The following GAK variants were observed in gnomAD, a reference collection of about 807,000 sequenced individuals.
The protein encoded by GAK is cyclin-G-associated kinase.
In GAK, 79 loss-of-function variants were observed where a neutral mutation model predicts 143.9. The observed-to-expected ratio is 0.55, with a 90% CI of 0.46 to 0.66. The LOEUF is 0.66. GAK is among the 30% of genes least tolerant of loss of function. The pLI is 0.00. For synonymous variants in GAK, 881 were observed against 765.5 expected, an observed-to-expected ratio of 1.15 and a Z score of -2.49; for missense variants, 1,693 against 1,779.7, an observed-to-expected ratio of 0.95 and a Z score of 0.88.
chr4:896,028 G>A (rs1442181234), intron 7 of GAK, among the ~76,000 whole-genome samples: 5 of 152,234 alleles, frequency 3.3e-5, no homozygotes, highest in African/African-American at 4.8e-5. Context: ...TTGGGAGGCT[G>A]AGGCAGGTGG....
intron 23 of GAK, among the ~76,000 whole-genome samples, chr4:862,018 G>A (rs1267138053): frequency 6.6e-6 from 1 of 152,248 alleles, no homozygotes; most frequent in Non-Finnish European, 1.5e-5. Context: ...GCGCTGACGG[G>A]GAAGCTGCAG....
At chr4:918,184 T>TA (rs1163407067) in intron 1 of GAK, among the ~76,000 whole-genome samples, 2 of 152,286 alleles carry the variant, frequency 1.3e-5, no homozygotes, top group Admixed American at 6.5e-5. Flanking sequence ...GGTGTAACAT[T>TA]AAAAAATCAA....
chr4:849,793 G>GT lies in GAK; in HGVS notation c.3835-20dup. 1 of 1,599,574 alleles carries GT rather than the reference G, an allele frequency of 6.3e-7. No individual in the cohort carries two copies. The highest frequency in any genetic ancestry group is 8.6e-7 in the Non-Finnish European group (1 of 1,169,142). On this transcript the variant is annotated intron_variant, in intron 27 of 27. Transcript: ENST00000314167. ...CCGCAGCCTATGGGTGACAGGCGGT[G>GT]TAAGCGCCTCTTATAAGCATGCGGG...
rs199633903 is a variant in GAK, at chr4:870,809, C to T, written c.2150G>A (p.Arg717Gln). The T allele has an allele frequency of 1.3e-4, 217 of 1,613,958 alleles. 1 individual carries two copies. Among genetic ancestry groups the T allele is most frequent in the South Asian group, 2.5e-4 (23 of 91,072 alleles). Residue 717 changes from arginine (R) to glutamine (Q), a missense_variant, in exon 19 of 28, where the codon CGG (arginine) becomes CAG (glutamine). Coordinates refer to ENST00000314167, the MANE Select transcript of GAK (RefSeq NM_005255.4). ...CGAGTTCTCCCATGGTGGGGCTTCC[C>T]GGCTCGGCCTGTCCCTGGGCTCCAC... ...VEVEPRDRPS[R>Q]EAPPWENSSM...
chr4:893,159 T>C (rs1259732054), intron 9 of GAK, among the ~76,000 whole-genome samples: 1 of 149,130 alleles, frequency 6.7e-6, no homozygotes. Flanking sequence ...AGACTTGGGG[T>C]TCACATGTGC....
At chr4:864,542 GA>G (rs2152735564) in intron 23 of GAK, among the ~76,000 whole-genome samples, 1 of 152,364 alleles carries the variant, frequency 6.6e-6, no homozygotes, top group African/African-American at 2.4e-5. Context: ...CGCGCTACCA[GA>G]CGCCGCGGGA....
chr4:857,722 C>G (rs192944281), intron 24 of GAK, among the ~76,000 whole-genome samples: 1 of 152,190 alleles, frequency 6.6e-6, no homozygotes, highest in Non-Finnish European at 1.5e-5. Flanking sequence ...GGCTTCAGAA[C>G]TGGCCTCTGT....
intron 18 of GAK, chr4:872,767 G>A (rs973324820): frequency 2.2e-4 from 33 of 152,638 alleles, no homozygotes; most frequent in African/African-American, 7.7e-4. Flanking sequence ...AGGGCACAAT[G>A]AGGTCTGTGA....
chr4:856,182 A>T (rs1369581440), intron 24 of GAK, among the ~76,000 whole-genome samples: 1 of 132,144 alleles, frequency 7.6e-6, no homozygotes, highest in Admixed American at 7.5e-5. Flanking sequence ...AGCTGCTCAC[A>T]CCTGCTCACC....
intron 23 of GAK, among the ~76,000 whole-genome samples, chr4:861,672 G>GCA (rs1370542821): frequency 6.6e-5 from 10 of 152,234 alleles, no homozygotes; most frequent in Admixed American, 2.6e-4. Context: ...AAAAGTTCCT[G>GCA]AAGGAAATGA....
At position 932,070 on chromosome 4, in the gene GAK, G is replaced by A; in HGVS notation, c.118C>T (p.Leu40=). The change falls in exon 1 of 28, where the codon CTG becomes TTG. Residue 40 remains leucine, a synonymous_variant. Transcript: ENST00000314167. This position sits in a 1 kb window ranked among gnomAD's most constrained non-coding sequence, Gnocchi z 4.0. ...GQTVELGELR[L]RVRRVLAEGG... Reference sequence around the variant, plus strand: ...TCGGCCAGGACCCGCCGCACCCGCAGCCGCAGCTCGCCCAGTTCCACCGTC... The same window carrying A: ...TCGGCCAGGACCCGCCGCACCCGCAACCGCAGCTCGCCCAGTTCCACCGTC... 6.2e-7 allele frequency: 1 copy of A among 1,601,978 alleles called. No homozygotes were observed. Among genetic ancestry groups the A allele is most frequent in the Non-Finnish European group, 8.5e-7 (1 of 1,175,520 alleles).
At chr4:884,424 A>AC (rs549642481) in intron 11 of GAK, 20 of 283,426 alleles carry the variant, frequency 7.1e-5, no homozygotes, top group African/African-American at 4.5e-4. Flanking sequence ...GGATGGCAAC[A>AC]CCGGTGGAAG....
At chr4:875,001 T>A (rs1344891028) in intron 18 of GAK, among the ~76,000 whole-genome samples, 1 of 152,234 alleles carries the variant, frequency 6.6e-6, no homozygotes, top group East Asian at 1.9e-4. Context: ...GTAATATTTT[T>A]CAGTTCTAGA....
chr4:907,687 A>G (rs1352321237), intron 4 of GAK, among the ~76,000 whole-genome samples: 1 of 152,204 alleles, frequency 6.6e-6, no homozygotes, highest in Non-Finnish European at 1.5e-5. Flanking sequence ...ACATCCCCGG[A>G]GCCCGACCTC....
intron 18 of GAK, among the ~76,000 whole-genome samples, chr4:876,039 G>T (rs1577118568): frequency 1.3e-5 from 2 of 151,544 alleles, no homozygotes; most frequent in Non-Finnish European, 2.9e-5. Flanking sequence ...AGAGGGCAGG[G>T]TATGCGCTGT....
chr4:850,166 C>T lies in GAK; in HGVS notation c.3658-98G>A. 5.6e-6 allele frequency: 7 copies of T among 1,254,454 alleles called. No homozygotes were observed. In the South Asian group the frequency reaches 1.1e-4, roughly 19 times the overall value. 77.7% of individuals were successfully genotyped at this position (1,254,454 alleles called of 1,614,324 possible). On this transcript the variant is annotated intron_variant, in intron 26 of 27. Coordinates refer to ENST00000314167, the MANE Select transcript of GAK (RefSeq NM_005255.4). ...GCACGACGCTGAGGAAGTGCCTGGT[C>T]ACGTGGGGTGGGCTCAGCCCGGCTC...
At chr4:879,872 T>C (rs927009687) in intron 15 of GAK, among the ~76,000 whole-genome samples, 9 of 152,236 alleles carry the variant, frequency 5.9e-5, no homozygotes, top group South Asian at 2.1e-4. Context: ...TCAGTTTCAG[T>C]ATCTCTCGAC....
intron 4 of GAK, among the ~76,000 whole-genome samples, chr4:909,472 G>T (rs908226461): frequency 2.6e-5 from 4 of 152,212 alleles, no homozygotes; most frequent in Non-Finnish European, 2.9e-5. Context: ...TGTCAGGGAT[G>T]GGGGAGACAG....
intron 8 of GAK, 96 bp downstream of exon 8, chr4:893,778 A>G: frequency 7.3e-7 from 1 of 1,374,674 alleles, no homozygotes; most frequent in South Asian, 1.5e-5. Context: ...GAGTGGGGCC[A>G]GGTGAGCAGT....
Sources: allele counts gnomAD v4.1 joint callset (sites outside exome capture counted in the v4.1 genomes callset), GRCh38; gene constraint gnomAD v4.1.1; non-coding constraint Gnocchi (gnomAD v3.1); transcripts MANE v1.5; gene names NCBI Gene and HGNC (gene_info 2026-07-23, HGNC 2026-07-21).